The following MYO16 variants were observed in gnomAD, a reference collection of about 807,000 sequenced individuals.
MYO16 encodes the protein unconventional myosin-XVI.
In MYO16, 94 loss-of-function variants were observed where a neutral mutation model predicts 205.3. The observed-to-expected ratio is 0.46, with a 90% CI of 0.39 to 0.54. The LOEUF (loss-of-function observed/expected upper bound fraction) is 0.54. Ranked by LOEUF, MYO16 falls within the 20% of genes least tolerant of loss-of-function variation. MYO16 has a pLI of 0.00. For missense variants in MYO16, 2,315 were observed against 2,387.5 expected, an observed-to-expected ratio of 0.97 and a Z score of 0.63; for synonymous variants, 988 against 954.0, an observed-to-expected ratio of 1.04 and a Z score of -0.66.
chr13:108,884,400 C>T (rs372517429), intron 13 of MYO16, among the ~76,000 whole-genome samples: 33 of 152,160 alleles, frequency 2.2e-4, no homozygotes, highest in African/African-American at 6.3e-4. Context: ...GCAGGGGCTT[C>T]GACACATTCT....
chr13:108,708,227 A>G (rs898376555), intron 2 of MYO16, among the ~76,000 whole-genome samples: 5 of 152,180 alleles, frequency 3.3e-5, no homozygotes, highest in Admixed American at 2.0e-4. Context: ...TGTGGTGTTG[A>G]TAACATAATT....
intron 2 of MYO16, among the ~76,000 whole-genome samples, chr13:108,686,073 A>G (rs1191583947): frequency 6.6e-6 from 1 of 152,226 alleles, no homozygotes; most frequent in African/African-American, 2.4e-5. Context: ...CAGACCTGGT[A>G]GGAAATGTTT....
intron 6 of MYO16, among the ~76,000 whole-genome samples, chr13:108,803,027 G>C (rs1594306094): frequency 6.6e-6 from 1 of 152,128 alleles, no homozygotes; most frequent in South Asian, 2.1e-4. Flanking sequence ...CATTTATCTA[G>C]AAAGTCCAAT....
intron 9 of MYO16, among the ~76,000 whole-genome samples, chr13:108,841,339 C>A (rs1477148516): frequency 6.6e-6 from 1 of 152,148 alleles, no homozygotes; most frequent in African/African-American, 2.4e-5. Context: ...AAAAACAATG[C>A]TGAAACATTT....
At position 108,855,373 on chromosome 13, in the gene MYO16, G is replaced by A. The variant is rs573604111; in HGVS notation, c.1249-70G>A. ...AATGTTTGACAGGTAATTGAAAGTG[G>A]AACATCCAACTGTGAAGAAAGTTGA... is the stretch of plus-strand genomic sequence containing the variant. On this transcript the variant is annotated intron_variant, in intron 10 of 34. Transcript: ENST00000457511. 10 of 853,632 alleles carry A rather than the reference G, an allele frequency of 1.2e-5. No individual in the cohort carries two copies. The East Asian group carries it at 1.6e-4, about 14-fold the overall frequency. 52.9% of individuals were successfully genotyped at this position (853,632 alleles called of 1,614,324 possible). A position where few individuals can be genotyped will look rare whatever the true frequency, so the allele number is the denominator to read the frequency against.
At chr13:108,931,534 A>C (rs1233370142) in intron 16 of MYO16, among the ~76,000 whole-genome samples, 1 of 152,154 alleles carries the variant, frequency 6.6e-6, no homozygotes, top group African/African-American at 2.4e-5. Flanking sequence ...TCTGAATGTC[A>C]GCATCCTCTG....
chr13:108,865,526 T>G (rs1878670855), intron 11 of MYO16, among the ~76,000 whole-genome samples: 1 of 152,098 alleles, frequency 6.6e-6, no homozygotes, highest in South Asian at 2.1e-4. Flanking sequence ...TTCCCTTTTT[T>G]TTTAGTCTAT....
chr13:109,204,136 CTT>C (rs1230025174), intron 34 of MYO16, among the ~76,000 whole-genome samples: 1 of 152,252 alleles, frequency 6.6e-6, no homozygotes, highest in Admixed American at 6.5e-5. Flanking sequence ...AAAAATGACT[CTT>C]TTTTGAAATT....
At chr13:109,082,253 A>G (rs2139672248) in intron 27 of MYO16, among the ~76,000 whole-genome samples, 1 of 152,314 alleles carries the variant, frequency 6.6e-6, no homozygotes, top group South Asian at 2.1e-4. Context: ...CATGAGAACA[A>G]AAACCTCTCC....
chr13:108,778,250 A>T (rs1409779525), intron 4 of MYO16, among the ~76,000 whole-genome samples: 1 of 152,192 alleles, frequency 6.6e-6, no homozygotes, highest in Non-Finnish European at 1.5e-5. Context: ...GAACAATGGG[A>T]CATCTCCTCA....
At chr13:108,687,108 A>C (rs764756726) in intron 2 of MYO16, among the ~76,000 whole-genome samples, 4 of 152,252 alleles carry the variant, frequency 2.6e-5, no homozygotes, top group Non-Finnish European at 4.4e-5. Context: ...ACAAGGATTC[A>C]CATATAATGA....
At chr13:108,806,908 G>A in intron 7 of MYO16, 104 bp downstream of exon 7, 1 of 896,878 alleles carries the variant, frequency 1.1e-6, no homozygotes, top group African/African-American at 1.7e-5. Flanking sequence ...AATCATTATT[G>A]TAATTTGACT....
chr13:109,106,652 A>T (rs1385907599), intron 28 of MYO16, among the ~76,000 whole-genome samples: 1 of 152,214 alleles, frequency 6.6e-6, no homozygotes, highest in African/African-American at 2.4e-5. Context: ...GGGATGACGA[A>T]TGAAGAAACA....
At chr13:108,667,553 G>A (rs1452511425) in intron 2 of MYO16, among the ~76,000 whole-genome samples, 1 of 152,056 alleles carries the variant, frequency 6.6e-6, no homozygotes, top group Non-Finnish European at 1.5e-5. Context: ...GTGAGTCTGT[G>A]AGCACATCGA....
At chr13:108,939,674 T>C (rs1012577497) in intron 16 of MYO16, among the ~76,000 whole-genome samples, 3 of 152,228 alleles carry the variant, frequency 2.0e-5, no homozygotes, top group Admixed American at 2.0e-4. Context: ...TATTTGAGAA[T>C]ATTATTGGAG....
intron 9 of MYO16, among the ~76,000 whole-genome samples, chr13:108,826,180 A>C (rs1876252963): frequency 6.6e-6 from 1 of 152,142 alleles, no homozygotes; most frequent in South Asian, 2.1e-4. Flanking sequence ...AAACTTACTT[A>C]AAATCTATAG....
At chr13:108,707,009 G>T (rs1293864526) in intron 2 of MYO16, among the ~76,000 whole-genome samples, 1 of 152,106 alleles carries the variant, frequency 6.6e-6, no homozygotes, top group Non-Finnish European at 1.5e-5. Context: ...GCCCTCATGG[G>T]TCTCCTTGTC....
intron 1 of MYO16, among the ~76,000 whole-genome samples, chr13:108,615,705 A>T (rs1446427158): frequency 6.6e-6 from 1 of 152,194 alleles, no homozygotes; most frequent in Admixed American, 6.5e-5. Flanking sequence ...ACAAAAGGCC[A>T]CATATGGTAT....
At chr13:108,654,025 T>A (rs1036514427) in intron 1 of MYO16, among the ~76,000 whole-genome samples, 5 of 152,012 alleles carry the variant, frequency 3.3e-5, no homozygotes, top group South Asian at 4.2e-4. Flanking sequence ...CAGCATGGAG[T>A]GTCTCTGCTT....
Sources: allele counts gnomAD v4.1 joint callset (sites outside exome capture counted in the v4.1 genomes callset), GRCh38; gene constraint gnomAD v4.1.1; transcripts MANE v1.5; gene names NCBI Gene and HGNC (gene_info 2026-07-23, HGNC 2026-07-21).